SLTM: variants seen among roughly 807,000 people sequenced by gnomAD.
The protein encoded by SLTM is SAFB-like transcription modulator.
SLTM carries 43 observed loss-of-function variants against 134.6 expected under a neutral mutation model. The ratio of observed to expected loss-of-function variants is 0.32; its 90% CI spans 0.25 to 0.41. The LOEUF (loss-of-function observed/expected upper bound fraction) is 0.41. SLTM is among the 10% of genes least tolerant of loss of function. The pLI, the probability that SLTM is intolerant of heterozygous loss-of-function variation, is 1.00. For missense variants in SLTM, 1,055 were observed against 1,288.8 expected, an observed-to-expected ratio of 0.82 and a Z score of 2.78; for synonymous variants, 424 against 432.3, an observed-to-expected ratio of 0.98 and a Z score of 0.24.
intron 3 of SLTM, among the ~76,000 whole-genome samples, chr15:58,914,639 A>G (rs1454009323): frequency 6.6e-6 from 1 of 152,198 alleles, no homozygotes; most frequent in Admixed American, 6.5e-5. Context: ...TAGGTGCAAG[A>G]AAGATCAAGG....
intron 5 of SLTM, among the ~76,000 whole-genome samples, chr15:58,910,380 T>C (rs1263921701): frequency 6.6e-6 from 1 of 152,220 alleles, no homozygotes; most frequent in Non-Finnish European, 1.5e-5. Flanking sequence ...GATGTTCCAC[T>C]AGACATTATT....
At chr15:58,920,684 G>A (rs1016083638) in intron 2 of SLTM, among the ~76,000 whole-genome samples, 2 of 148,650 alleles carry the variant, frequency 1.3e-5, no homozygotes, top group Non-Finnish European at 3.0e-5. Context: ...GGCTGGGCGT[G>A]GTGGCTCACA....
chr15:58,927,299 T>C (rs1170331572), intron 2 of SLTM, among the ~76,000 whole-genome samples: 3 of 152,184 alleles, frequency 2.0e-5, no homozygotes, highest in Non-Finnish European at 4.4e-5. Context: ...CTAAAGATGA[T>C]GATCTTGTTG....
rs543802120 is a variant in SLTM at position 58,883,610 on chromosome 15, C to T, written c.2996+16G>A. 2.1e-5 allele frequency: 34 copies of T among 1,612,960 alleles called. No individual in the cohort carries two copies. The highest frequency in any genetic ancestry group is 1.7e-4 in the African/African-American group (13 of 74,972). On this transcript the variant is annotated intron_variant, in intron 20 of 20. Coordinates refer to ENST00000380516, the MANE Select transcript of SLTM (RefSeq NM_024755.4). ...TGTTGGTTGTGTGCTGGCAGAAAAA[C>T]TGGTTAGTTATTTACCTTGAATGTT...
intron 3 of SLTM, among the ~76,000 whole-genome samples, chr15:58,915,827 T>C (rs1329448138): frequency 6.6e-6 from 1 of 151,942 alleles, no homozygotes; most frequent in Non-Finnish European, 1.5e-5. Flanking sequence ...ATGATGACAA[T>C]ATGGACTAGT....
At chr15:58,880,848 G>A (rs1318536366) in intron 20 of SLTM, among the ~76,000 whole-genome samples, 1 of 152,142 alleles carries the variant, frequency 6.6e-6, no homozygotes, top group Non-Finnish European at 1.5e-5. Flanking sequence ...TTACAGGCAG[G>A]AGCCACCACG....
chr15:58,918,665 A>T (rs147372631), intron 2 of SLTM, among the ~76,000 whole-genome samples: 2 of 152,194 alleles, frequency 1.3e-5, no homozygotes, highest in Non-Finnish European at 2.9e-5. Context: ...TGGGGAAAAC[A>T]TAACTTTTTG....
chr15:58,900,083 TTAAC>T (rs1367066292), intron 6 of SLTM, 146 bp from the exon 7 acceptor site: 1 of 642,028 alleles, frequency 1.6e-6, no homozygotes, highest in Non-Finnish European at 2.6e-6. Flanking sequence ...CACAAGGGTA[TTAAC>T]TAACATAAAC....
chr15:58,898,810 A>C lies in SLTM; in HGVS notation c.1101T>G (p.Asp367Glu). The part of the protein sequence containing the change: ...ESKDSKTSSK[D>E]DKGSTSSTSG... ...GGGAAAAAAATTCTTTACCTTTGTC[A>C]TCTTTAGATGATGTCTTGCTGTCTT... The change falls in exon 8 of 21, where the codon GAT (aspartate) becomes GAG (glutamate). Residue 367 changes from aspartate (D) to glutamate (E), a missense_variant. Physicochemically the swap from Asp to Glu is conservative, Grantham distance 45. This residue lies in a region of SLTM where 776 missense variants were observed against 962.2 expected (regional missense o/e 0.81). Coordinates refer to ENST00000380516, the MANE Select transcript of SLTM (RefSeq NM_024755.4). 1 of 1,606,146 alleles carries C rather than the reference A, an allele frequency of 6.2e-7. No individual in the cohort carries two copies. The highest frequency in any genetic ancestry group is 8.5e-7 in the Non-Finnish European group (1 of 1,176,184).
At chr15:58,928,119 G>A (rs1253106947) in intron 2 of SLTM, among the ~76,000 whole-genome samples, 1 of 152,172 alleles carries the variant, frequency 6.6e-6, no homozygotes, top group Admixed American at 6.5e-5. Flanking sequence ...TTGCAAATTA[G>A]TTTTAATGTC....
Position 58,933,645 on chromosome 15 carries a change from G to T in SLTM, c.-80C>A. The T allele has an allele frequency of 3.6e-6, 5 of 1,379,534 alleles. No homozygotes were observed. Among genetic ancestry groups the T allele is most frequent in the Non-Finnish European group, 4.7e-6 (5 of 1,071,342 alleles). 85.5% of individuals were successfully genotyped at this position (1,379,534 alleles called of 1,614,324 possible). Reference sequence around the variant, plus strand: ...CAGCGCCAACTTCCACCCAGGCCTCGGCGGCCGCCGGCGCCGCGCAGCGCT... The same window carrying T: ...CAGCGCCAACTTCCACCCAGGCCTCTGCGGCCGCCGGCGCCGCGCAGCGCT... On this transcript the variant is annotated 5_prime_UTR_variant, in exon 1 of 21. Coordinates refer to ENST00000380516, the MANE Select transcript of SLTM (RefSeq NM_024755.4).
At chr15:58,898,604 A>G in intron 8 of SLTM, 199 bp downstream of exon 8, 1 of 355,240 alleles carries the variant, frequency 2.8e-6, no homozygotes, top group East Asian at 4.7e-5. Context: ...TTACCAGTTT[A>G]CAAAGTAAAC....
At chr15:58,920,088 G>T (rs2036916422) in intron 2 of SLTM, among the ~76,000 whole-genome samples, 1 of 152,100 alleles carries the variant, frequency 6.6e-6, no homozygotes, top group African/African-American at 2.4e-5. Flanking sequence ...GGCCAAGGAG[G>T]GCAGATTGCT....
At position 58,898,745 on chromosome 15, in the gene SLTM, T is replaced by G. The variant is rs192506599; in HGVS notation, c.1108+58A>C. On this transcript the variant is annotated intron_variant, in intron 8 of 20. Coordinates refer to ENST00000380516, the MANE Select transcript of SLTM (RefSeq NM_024755.4). ...AAAGAAAACACCGCGCAACTACTACTTTTTAATGAAAATACACAATGTCAA... is the reference window on the plus strand; with the variant it reads ...AAAGAAAACACCGCGCAACTACTACGTTTTAATGAAAATACACAATGTCAA... 1.3e-3 allele frequency: 1,816 copies of G among 1,378,836 alleles called. 1 individual carries two copies. Among genetic ancestry groups the G allele is most frequent in the Non-Finnish European group, 1.6e-3 (1,574 of 982,474 alleles). The allele number at this position is 1,378,836 out of a possible 1,614,324, so 85.4% of individuals were successfully genotyped here. A position where few individuals can be genotyped will look rare whatever the true frequency, so the allele number is the denominator to read the frequency against.
intron 5 of SLTM, among the ~76,000 whole-genome samples, chr15:58,910,178 T>C (rs1341338436): frequency 3.3e-5 from 5 of 152,188 alleles, no homozygotes; most frequent in African/African-American, 1.2e-4. Flanking sequence ...TTTGGATTTG[T>C]TTCAAAATAA....
At chr15:58,933,277 C>T (rs1479681842) in intron 1 of SLTM, 127 bp downstream of exon 1, 2 of 1,028,310 alleles carry the variant, frequency 1.9e-6, no homozygotes, top group Non-Finnish European at 2.6e-6. Context: ...CCGCCCCTGG[C>T]CTCCCTACCA....
chr15:58,912,670 C>T (rs1228587742), intron 4 of SLTM, 60 bp from the exon 5 acceptor site: 24 of 1,340,996 alleles, frequency 1.8e-5, no homozygotes, highest in Non-Finnish European at 2.4e-5. Context: ...CGTGAGAATG[C>T]TTTTATGCTT....
chr15:58,888,023 G>A (rs1435176389), intron 17 of SLTM, among the ~76,000 whole-genome samples: 2 of 152,150 alleles, frequency 1.3e-5, no homozygotes, highest in African/African-American at 4.8e-5. Context: ...TGGTGGTGGT[G>A]CATGTCTATA....
rs571828900 is a variant in SLTM, at chr15:58,885,314, T to C, written c.2836-1528A>G. 5.3e-5 allele frequency among the ~76,000 whole-genome samples: 8 copies of C among 152,310 alleles called. No homozygotes were observed. The South Asian group carries it at 1.5e-3, about 28-fold the overall frequency. On this transcript the variant is annotated intron_variant, in intron 19 of 20. Coordinates refer to ENST00000380516, the MANE Select transcript of SLTM (RefSeq NM_024755.4). ...GAAGGTACCCACAGAGAGGCTTAGATATAATACTGGCAGAACAATTTACAG... is the reference window on the plus strand; with the variant it reads ...GAAGGTACCCACAGAGAGGCTTAGACATAATACTGGCAGAACAATTTACAG...
Sources: gnomAD v4.1 joint callset for allele counts (sites outside exome capture counted in the v4.1 genomes callset) on GRCh38, gnomAD v4.1.1 for gene constraint, gnomAD v4.1.1 regional missense constraint, MANE v1.5 for transcripts, NCBI Gene and HGNC (gene_info 2026-07-23, HGNC 2026-07-21) for gene names.